The following DMD variants were observed in gnomAD, a reference collection of about 807,000 sequenced individuals.
DMD encodes the protein mutant dystrophin.
A neutral mutation model predicts 330.1 loss-of-function variants in DMD; 63 were observed. That is an observed-to-expected ratio of 0.19 (90% CI 0.16 to 0.24). The LOEUF (loss-of-function observed/expected upper bound fraction) is 0.24. Ranked by LOEUF, DMD falls within the 10% of genes least tolerant of loss-of-function variation. DMD has a pLI of 1.00. For synonymous variants in DMD, 1,223 were observed against 959.8 expected, an observed-to-expected ratio of 1.27 and a Z score of -5.07; for missense variants, 3,344 against 2,684.1, an observed-to-expected ratio of 1.25 and a Z score of -5.43.
intron 17 of DMD, among the ~76,000 whole-genome samples, chrX:32,535,813 A>G (rs1450451906): frequency 8.9e-6 from 1 of 112,092 alleles, no homozygotes; most frequent in African/African-American, 3.2e-5. Context: ...ATAAATATTT[A>G]TTCAATACCT....
Position 32,852,322 on chromosome X carries a change from T to C in DMD, c.94-2502A>G, listed in dbSNP as rs190971593. Among the ~76,000 whole-genome samples, 7 of 110,976 alleles carry C rather than the reference T, an allele frequency of 6.3e-5. No individual in the cohort carries two copies. The East Asian group carries it at 2.0e-3, about 32-fold the overall frequency. ...GAACTTGCTACCTTGAAGAGAAGAA[T>C]CCAGTCCTGGTAGAATTCGTCACCT... On this transcript the variant is annotated intron_variant, in intron 2 of 78. Transcript: ENST00000357033.
chrX:32,699,359 G>T, intron 7 of DMD, 66 bp from the exon 8 acceptor site: 3 of 889,711 alleles, frequency 3.4e-6, no homozygotes, highest in Non-Finnish European at 5.0e-6. Context: ...AAAGGATAAT[G>T]AACAAATCAA....
chrX:32,962,465 T>A, intron 2 of DMD, among the ~76,000 whole-genome samples: 1 of 111,800 alleles, frequency 8.9e-6, no homozygotes, highest in Non-Finnish European at 1.9e-5. Flanking sequence ...TAGGGCTTTT[T>A]ATTTCTTTAA....
chrX:32,762,835 C>T (rs1379458794), intron 7 of DMD, among the ~76,000 whole-genome samples: 1 of 111,327 alleles, frequency 9.0e-6, no homozygotes, highest in Non-Finnish European at 1.9e-5. Flanking sequence ...ATAGGGAACA[C>T]ATGACCTAAT....
chrX:32,393,614 G>A (rs2147673483), intron 30 of DMD, among the ~76,000 whole-genome samples: 1 of 111,386 alleles, frequency 9.0e-6, no homozygotes, highest in Admixed American at 9.6e-5. Flanking sequence ...GAGAAAGAGG[G>A]AAACAGGGTA....
rs1603439548 is a variant in DMD, at chrX:32,819,448, G to A, written c.358-2808C>T. Among the ~76,000 whole-genome samples, 4 of 110,307 alleles carry A rather than the reference G, an allele frequency of 3.6e-5. No individual in the cohort carries two copies. In the Admixed American group the frequency reaches 3.9e-4, roughly 11 times the overall value. On this transcript the variant is annotated intron_variant, in intron 5 of 78. Coordinates refer to ENST00000357033, the MANE Select transcript of DMD (RefSeq NM_004006.3). Reference sequence around the variant, plus strand: ...CAGCTGGTTGCCAGAGCCAAGTTTAGCACTCCGAAAAAAAAAGAATTGCAC... The same window carrying A: ...CAGCTGGTTGCCAGAGCCAAGTTTAACACTCCGAAAAAAAAAGAATTGCAC...
intron 29 of DMD, among the ~76,000 whole-genome samples, chrX:32,429,396 T>TG (rs2098228116): frequency 1.3e-5 from 1 of 79,165 alleles, no homozygotes; most frequent in African/African-American, 4.8e-5. Context: ...GGTTTTTTTT[T>TG]TTTTTTTTTT....
chrX:32,232,270 A>G, intron 43 of DMD, among the ~76,000 whole-genome samples: 1 of 112,255 alleles, frequency 8.9e-6, no homozygotes, highest in Admixed American at 9.4e-5. Context: ...ATAGAGATAC[A>G]GTAATTAATT....
At chrX:32,508,759 T>A (rs1293072550) in intron 18 of DMD, among the ~76,000 whole-genome samples, 1 of 112,013 alleles carries the variant, frequency 8.9e-6, no homozygotes, top group East Asian at 2.8e-4. Context: ...AAATATGTGC[T>A]CATTCTACTT....
chrX:32,918,687 C>T lies in DMD; in HGVS notation c.94-68867G>A, dbSNP rs776135625. On this transcript the variant is annotated intron_variant, in intron 2 of 78. Transcript: ENST00000357033. ...TTAAACAGATTTAAAATGCTTTCTT[C>T]ATAGCATTAAAAATGTTTCACAATA... Among the ~76,000 whole-genome samples, 7 of 112,486 alleles carry T rather than the reference C, an allele frequency of 6.2e-5. No individual in the cohort carries two copies. The South Asian group carries it at 2.6e-3, about 41-fold the overall frequency.
At chrX:32,574,898 T>TA (rs1491526411) in intron 13 of DMD, among the ~76,000 whole-genome samples, 4 of 89,215 alleles carry the variant, frequency 4.5e-5, no homozygotes, top group African/African-American at 1.6e-4. Flanking sequence ...ATAATCCACC[T>TA]ATTTTTTTTT....
intron 2 of DMD, among the ~76,000 whole-genome samples, chrX:32,938,899 G>C (rs781682887): frequency 4.9e-4 from 54 of 110,533 alleles, no homozygotes; most frequent in African/African-American, 1.7e-3. Context: ...ATTAAGAAAA[G>C]ATGATGGAAT....
intron 47 of DMD, among the ~76,000 whole-genome samples, chrX:31,905,435 A>C (rs767899059): frequency 9.0e-6 from 1 of 111,448 alleles, no homozygotes; most frequent in Admixed American, 9.6e-5. Context: ...TACATGTTAA[A>C]TTGGAAGTAA....
At chrX:32,861,676 G>C (rs2082085495) in intron 2 of DMD, among the ~76,000 whole-genome samples, 1 of 111,657 alleles carries the variant, frequency 9.0e-6, no homozygotes, top group Admixed American at 9.5e-5. Flanking sequence ...CAGGAGCTTT[G>C]ATATTGGGTG....
intron 41 of DMD, among the ~76,000 whole-genome samples, chrX:32,331,392 TTTTTAA>T (rs1025895924): frequency 4.5e-5 from 5 of 111,887 alleles, no homozygotes; most frequent in African/African-American, 1.6e-4. Context: ...GAGTTATATT[TTTTTAA>T]TTTTATCAGT....
intron 62 of DMD, among the ~76,000 whole-genome samples, chrX:31,281,963 G>C (rs1556425677): frequency 2.9e-5 from 3 of 103,047 alleles, no homozygotes; most frequent in South Asian, 7.7e-4. Flanking sequence ...ACCTTCAGTA[G>C]AGAAATGGTT....
chrX:32,608,637 T>C (rs759136510), intron 12 of DMD, among the ~76,000 whole-genome samples: 1 of 110,653 alleles, frequency 9.0e-6, no homozygotes, highest in Admixed American at 9.6e-5. Flanking sequence ...CATGCCCTTG[T>C]CAGAAAGTTA....
At chrX:32,944,746 AG>A (rs1235282704) in intron 2 of DMD, among the ~76,000 whole-genome samples, 9 of 109,373 alleles carry the variant, frequency 8.2e-5, no homozygotes, top group African/African-American at 3.0e-4. Context: ...CTGGGATTAC[AG>A]GCGCCTGCCA....
chrX:31,795,352 T>C (rs1156259830), intron 50 of DMD, among the ~76,000 whole-genome samples: 1 of 112,313 alleles, frequency 8.9e-6, no homozygotes, highest in African/African-American at 3.2e-5. Flanking sequence ...CAATTAAAAT[T>C]TTGATTGTTC....
Sources: allele counts gnomAD v4.1 joint callset (sites outside exome capture counted in the v4.1 genomes callset), GRCh38; gene constraint gnomAD v4.1.1; transcripts MANE v1.5; gene names NCBI Gene and HGNC (gene_info 2026-07-23, HGNC 2026-07-21).